DCDC1: variants seen among roughly 807,000 people sequenced by gnomAD.
DCDC1 encodes doublecortin domain-containing protein 1.
Under a neutral mutation model 178.3 loss-of-function variants are expected in DCDC1, and 200 were observed. The ratio of observed to expected loss-of-function variants is 1.12; its 90% CI spans 1.00 to 1.26. DCDC1 has a LOEUF of 1.26. DCDC1 is among the 50% of genes most tolerant of loss of function. The pLI is 0.00. For synonymous variants in DCDC1, 690 were observed against 604.8 expected (o/e 1.14, Z -2.07); for missense variants, 1,983 against 1,749.2 (o/e 1.13, Z -2.38).
At chr11:31,129,564 A>C (rs1441582200) in intron 10 of DCDC1, among the ~76,000 whole-genome samples, 1 of 152,178 alleles carries the variant, frequency 6.6e-6, no homozygotes, top group Non-Finnish European at 1.5e-5. Context: ...AACTTTATTT[A>C]CAAAAAAAAA....
chr11:31,294,858 GAAAGAAA>G (rs1947564294), intron 6 of DCDC1, among the ~76,000 whole-genome samples: 1 of 118,888 alleles, frequency 8.4e-6, no homozygotes, highest in Non-Finnish European at 1.8e-5. Context: ...AAGAAAGAAA[GAAAGAAA>G]GAAAAAGAAA....
intron 20 of DCDC1, among the ~76,000 whole-genome samples, chr11:31,013,459 C>T (rs1168208726): frequency 6.6e-6 from 1 of 152,156 alleles, no homozygotes; most frequent in African/African-American, 2.4e-5. Flanking sequence ...AATGTTGTTA[C>T]ACTCCTTAGA....
chr11:31,094,655 C>A (rs1198885142), intron 15 of DCDC1, among the ~76,000 whole-genome samples: 2 of 152,066 alleles, frequency 1.3e-5, no homozygotes. Flanking sequence ...AAAGGTATTC[C>A]AAGTAAAGGC....
At chr11:31,017,882 C>T (rs1408963664) in intron 20 of DCDC1, among the ~76,000 whole-genome samples, 1 of 152,188 alleles carries the variant, frequency 6.6e-6, no homozygotes, top group Non-Finnish European at 1.5e-5. Flanking sequence ...TGTGAGCCAC[C>T]ATGCCCGGCC....
intron 21 of DCDC1, among the ~76,000 whole-genome samples, chr11:30,949,204 A>C (rs533057333): frequency 5.7e-4 from 87 of 152,376 alleles, no homozygotes; most frequent in South Asian, 1.4e-3. Context: ...GGATATAAAT[A>C]GATACTTCTC....
intron 32 of DCDC1, among the ~76,000 whole-genome samples, chr11:30,902,784 A>C (rs1346307086): frequency 6.6e-6 from 1 of 152,126 alleles, no homozygotes; most frequent in Admixed American, 6.5e-5. Context: ...TCTCAGTACA[A>C]CCATGGAAAT....
In DCDC1 at chr11:30,881,299, C is replaced by G; in HGVS notation, c.5092G>C (p.Asp1698His). 6.2e-7 allele frequency: 1 copy of G among 1,613,100 alleles called. No individual in the cohort carries two copies. The highest frequency in any genetic ancestry group is 1.7e-5 in the Admixed American group (1 of 59,910). ...WGKTISELLQDCSSRLKMTHP... is the reference protein window; with the variant it reads ...WGKTISELLQHCSSRLKMTHP... Reference sequence around the variant, plus strand: ...GTCATTTTGAGACGAGAGGAGCAGTCTTGCAGCAGCTGAGACACAGAGGGA... The same window carrying G: ...GTCATTTTGAGACGAGAGGAGCAGTGTTGCAGCAGCTGAGACACAGAGGGA... Residue 1698 changes from aspartate (D) to histidine (H), a missense_variant, in exon 37 of 39, where the codon GAC becomes CAC. Coordinates refer to ENST00000684477, the MANE Select transcript of DCDC1 (RefSeq NM_001387274.1).
At chr11:30,877,952 A>T (rs2133957304) in intron 38 of DCDC1, among the ~76,000 whole-genome samples, 1 of 152,256 alleles carries the variant, frequency 6.6e-6, no homozygotes, top group East Asian at 1.9e-4. Context: ...GGAATGTTCG[A>T]TTATATATAA....
At chr11:30,876,422 A>C (rs1179779138) in intron 38 of DCDC1, among the ~76,000 whole-genome samples, 1 of 152,182 alleles carries the variant, frequency 6.6e-6, no homozygotes. Flanking sequence ...GGCTGTTTTT[A>C]GTCTAAGCTA....
At chr11:31,029,513 T>C (rs1342078721) in intron 20 of DCDC1, among the ~76,000 whole-genome samples, 2 of 152,088 alleles carry the variant, frequency 1.3e-5, no homozygotes, top group Non-Finnish European at 2.9e-5. Flanking sequence ...GGGACAAATA[T>C]AGTTTTATAA....
intron 9 of DCDC1, among the ~76,000 whole-genome samples, chr11:31,170,539 C>T (rs999676215): frequency 6.6e-6 from 1 of 152,146 alleles, no homozygotes; most frequent in African/African-American, 2.4e-5. Context: ...AAACCTACAT[C>T]TTATTTTTAA....
intron 8 of DCDC1, among the ~76,000 whole-genome samples, chr11:31,255,101 C>T (rs1944323038): frequency 6.6e-6 from 1 of 152,164 alleles, no homozygotes; most frequent in Non-Finnish European, 1.5e-5. Flanking sequence ...TTCACCCATA[C>T]TGTAGCATTA....
At chr11:30,986,326 TTCTC>T (rs1005378718) in intron 20 of DCDC1, among the ~76,000 whole-genome samples, 12 of 145,120 alleles carry the variant, frequency 8.3e-5, no homozygotes, top group African/African-American at 3.1e-4. Flanking sequence ...TTCCACATTT[TTCTC>T]TCTCTCTTTT....
chr11:31,268,460 G>A (rs1363831998), intron 7 of DCDC1, among the ~76,000 whole-genome samples: 1 of 152,160 alleles, frequency 6.6e-6, no homozygotes, highest in African/African-American at 2.4e-5. Context: ...ACTTATAAGT[G>A]AGAACATGTG....
chr11:30,973,572 A>G (rs1321179976), intron 20 of DCDC1, among the ~76,000 whole-genome samples: 2 of 152,230 alleles, frequency 1.3e-5, no homozygotes, highest in Non-Finnish European at 2.9e-5. Flanking sequence ...AGATTCCCTG[A>G]AAATGAAAAC....
chr11:30,920,626 C>A (rs1946182914), intron 25 of DCDC1, 150 bp downstream of exon 25: 4 of 848,150 alleles, frequency 4.7e-6, no homozygotes, highest in Non-Finnish European at 3.5e-6. Context: ...ATCATTTTGC[C>A]GGAAAACTAA....
chr11:31,245,364 A>G (rs1470123818), intron 8 of DCDC1, among the ~76,000 whole-genome samples: 1 of 151,700 alleles, frequency 6.6e-6, no homozygotes, highest in Admixed American at 6.6e-5. Flanking sequence ...GGTACTGCAG[A>G]TATACTGTAG....
intron 9 of DCDC1, among the ~76,000 whole-genome samples, chr11:31,218,263 C>A (rs924447159): frequency 3.3e-5 from 5 of 151,946 alleles, no homozygotes; most frequent in African/African-American, 9.7e-5. Context: ...AAAACTAATG[C>A]AATTGATAAT....
At chr11:30,898,027 G>A (rs1200871041) in intron 34 of DCDC1, among the ~76,000 whole-genome samples, 1 of 152,092 alleles carries the variant, frequency 6.6e-6, no homozygotes, top group African/African-American at 2.4e-5. Context: ...TTGAGGTAGA[G>A]GGAACTAAAA....
Sources: allele counts gnomAD v4.1 joint callset (sites outside exome capture counted in the v4.1 genomes callset), GRCh38; gene constraint gnomAD v4.1.1; transcripts MANE v1.5; gene names NCBI Gene and HGNC (gene_info 2026-07-23, HGNC 2026-07-21).